CPEB2: variants seen among roughly 807,000 people sequenced by gnomAD.
CPEB2 encodes the protein cytoplasmic polyadenylation element binding protein 2, also known as cytoplasmic polyadenylation element-binding protein 2.
Under a neutral mutation model 93.6 loss-of-function variants are expected in CPEB2, and 56 were observed. The ratio of observed to expected loss-of-function variants is 0.60; its 90% CI spans 0.48 to 0.75. CPEB2 has a LOEUF of 0.75. Ranked by LOEUF, CPEB2 falls within the 30% of genes least tolerant of loss-of-function variation. The pLI is 0.00. For synonymous variants in CPEB2, 764 were observed against 586.3 expected (o/e 1.30, Z -4.38); for missense variants, 1,579 against 1,395.1 (o/e 1.13, Z -2.10).
chr4:15,025,568 C>G (rs7658084), intron 4 of CPEB2, among the ~76,000 whole-genome samples: 123,216 of 151,382 alleles, frequency 0.81, 50,744 homozygotes, highest in Middle Eastern at 0.88. Flanking sequence ...TTTGTTCTGG[C>G]AAATGAACAT....
chr4:15,018,969 T>TATATATATATACAC (rs1479960595), intron 4 of CPEB2, among the ~76,000 whole-genome samples: 1 of 139,196 alleles, frequency 7.2e-6, no homozygotes, highest in Non-Finnish European at 1.6e-5. Flanking sequence ...TATATATATA[T>TATATATATATACAC]ACACACGCAC....
chr4:15,009,994 A>G (rs1723272547), intron 3 of CPEB2, among the ~76,000 whole-genome samples: 1 of 152,222 alleles, frequency 6.6e-6, no homozygotes, highest in Non-Finnish European at 1.5e-5. Flanking sequence ...TGGTGCTTAA[A>G]GATAAACTTA....
intron 3 of CPEB2, among the ~76,000 whole-genome samples, chr4:15,014,578 T>A (rs1723874616): frequency 6.6e-6 from 1 of 152,080 alleles, no homozygotes; most frequent in African/African-American, 2.4e-5. Flanking sequence ...AACATTTGAC[T>A]ACCTGTTCCG....
At chr4:15,066,057 C>A (rs948785534) in intron 11 of CPEB2, 96 bp from the exon 12 acceptor site, 4 of 1,042,150 alleles carry the variant, frequency 3.8e-6, no homozygotes, top group Non-Finnish European at 5.8e-6. Flanking sequence ...GCTTTTAATG[C>A]TGGTCCTTTT....
intron 3 of CPEB2, among the ~76,000 whole-genome samples, chr4:15,012,936 A>G (rs1374454656): frequency 6.6e-6 from 1 of 152,056 alleles, no homozygotes; most frequent in Non-Finnish European, 1.5e-5. Context: ...AATGTATCCC[A>G]GCAAAAAAAA....
At chr4:15,066,044 T>C in intron 11 of CPEB2, 109 bp from the exon 12 acceptor site, 1 of 907,836 alleles carries the variant, frequency 1.1e-6, no homozygotes, top group Non-Finnish European at 1.7e-6. Flanking sequence ...GCCCATTTCC[T>C]CAGCTTTTAA....
rs538384325 is a variant in CPEB2, at chr4:15,069,352, A to C, written c.*2972A>C. 21 of 152,420 alleles carry C rather than the reference A, an allele frequency of 1.4e-4. No homozygotes were observed. In the East Asian group the frequency reaches 1.7e-3, roughly 13 times the overall value. 9.4% of individuals were successfully genotyped at this position (152,420 alleles called of 1,614,324 possible). On this transcript the variant is annotated 3_prime_UTR_variant, in exon 12 of 12. Transcript: ENST00000538197. ...GTTTCTAATGTTTGTATAAAAAAAA[A>C]CAGTGTAAACCTTTTTAATGCAAAT...
intron 4 of CPEB2, among the ~76,000 whole-genome samples, chr4:15,021,856 G>A (rs979848892): frequency 6.6e-6 from 1 of 152,072 alleles, no homozygotes; most frequent in Non-Finnish European, 1.5e-5. Context: ...GACTCCTGAA[G>A]TAAGAAGCTC....
At chr4:15,050,584 C>T (rs1560247434) in intron 6 of CPEB2, among the ~76,000 whole-genome samples, 1 of 152,164 alleles carries the variant, frequency 6.6e-6, no homozygotes, top group Non-Finnish European at 1.5e-5. Context: ...TTTCCTGAAA[C>T]AGCTACCTTC....
At chr4:15,032,341 A>G (rs555211987) in intron 4 of CPEB2, among the ~76,000 whole-genome samples, 1 of 152,346 alleles carries the variant, frequency 6.6e-6, no homozygotes, top group South Asian at 2.1e-4. Flanking sequence ...ATTTTATAAT[A>G]TAGACTAAAA....
At chr4:15,023,162 A>G (rs949462245) in intron 4 of CPEB2, among the ~76,000 whole-genome samples, 3 of 152,086 alleles carry the variant, frequency 2.0e-5, no homozygotes, top group Non-Finnish European at 4.4e-5. Context: ...ACCACAAAAC[A>G]TCTTTCATAT....
intron 10 of CPEB2, among the ~76,000 whole-genome samples, chr4:15,060,859 G>A (rs1729129325): frequency 6.6e-6 from 1 of 152,174 alleles, no homozygotes. Flanking sequence ...GAAAAATGAT[G>A]TTAGCATGAA....
chr4:15,008,252 A>AT, intron 2 of CPEB2, 86 bp from the exon 3 acceptor site: 1 of 925,190 alleles, frequency 1.1e-6, no homozygotes, highest in South Asian at 1.5e-5. Context: ...ATAGAGCTTT[A>AT]TTTTTTGTTT....
intron 6 of CPEB2, among the ~76,000 whole-genome samples, chr4:15,050,778 T>G (rs556816618): frequency 6.6e-6 from 1 of 152,222 alleles, no homozygotes; most frequent in African/African-American, 2.4e-5. Context: ...ATGTTCTGCT[T>G]CTTCCTTGTA....
chr4:15,015,630 C>T (rs988675576), intron 3 of CPEB2, among the ~76,000 whole-genome samples: 5 of 151,900 alleles, frequency 3.3e-5, no homozygotes, highest in African/African-American at 1.2e-4. Context: ...AGAACTGATT[C>T]TGAATCTTCT....
intron 6 of CPEB2, among the ~76,000 whole-genome samples, chr4:15,050,110 C>A (rs73797791): frequency 0.097 from 14,801 of 152,198 alleles, 1,283 homozygotes; most frequent in South Asian, 0.23. Context: ...CGATACTGGT[C>A]CATGGTCTGT....
intron 11 of CPEB2, among the ~76,000 whole-genome samples, chr4:15,062,829 T>C (rs2109109123): frequency 6.6e-6 from 1 of 152,234 alleles, no homozygotes; most frequent in South Asian, 2.1e-4. Context: ...ATTTTTTTAG[T>C]AGCATTGCTT....
At position 15,003,855 on chromosome 4, in the gene CPEB2, C is replaced by T. The variant is rs535223708; in HGVS notation, c.1182C>T (p.Pro394=). The T allele has an allele frequency of 7.0e-6, 6 of 854,548 alleles. No individual in the cohort carries two copies. The African/African-American group carries it at 9.1e-5, about 13-fold the overall frequency. 52.9% of individuals were successfully genotyped at this position (854,548 alleles called of 1,614,324 possible). A position where few individuals can be genotyped will look rare whatever the true frequency, so the allele number is the denominator to read the frequency against. The part of the protein sequence containing the change: ...SVQTASPPPQ[P]QQPPPTQPQQ... ...AGACCGCGTCGCCGCCACCCCAGCC[C>T]CAGCAGCCGCCGCCGACCCAGCCGC... Residue 394 remains proline, a synonymous_variant, in exon 1 of 12, where the codon CCC becomes CCT. Coordinates refer to ENST00000538197, the MANE Select transcript of CPEB2 (RefSeq NM_001177382.2).
rs1055741373 is a variant in CPEB2, at chr4:15,005,099, C to G, written c.1662+764C>G. On this transcript the variant is annotated intron_variant, in intron 1 of 11. Transcript: ENST00000538197. ...CAGGAGGGAGTCGGGAGGGAGCGGC[C>G]GACCGCCCTCCTCGCAGGACCTGGT... is the stretch of plus-strand genomic sequence containing the variant. 5.4e-4 allele frequency: 82 copies of G among 152,206 alleles called. 3 individuals carry two copies. The highest frequency in any genetic ancestry group is 8.8e-5 in the Non-Finnish European group (6 of 68,058). The allele number at this position is 152,206 out of a possible 1,614,324, so 9.4% of individuals were successfully genotyped here. A position where few individuals can be genotyped will look rare whatever the true frequency, so the allele number is the denominator to read the frequency against.
Sources: gnomAD v4.1 joint callset for allele counts (sites outside exome capture counted in the v4.1 genomes callset) on GRCh38, gnomAD v4.1.1 for gene constraint, MANE v1.5 for transcripts, NCBI Gene and HGNC (gene_info 2026-07-23, HGNC 2026-07-21) for gene names.